The following PCDHA6 variants were observed in gnomAD, a reference collection of about 807,000 sequenced individuals.
PCDHA6 encodes the protein protocadherin alpha 6, also known as protocadherin alpha-6.
PCDHA6 carries 55 observed loss-of-function variants against 60.3 expected under a neutral mutation model. The observed-to-expected ratio is 0.91, with a 90% CI of 0.73 to 1.14. The LOEUF (loss-of-function observed/expected upper bound fraction) is 1.14. Among genes scored for constraint, PCDHA6 ranks in the 50% most tolerant of loss-of-function variants. The pLI is 0.00. For synonymous variants in PCDHA6, 652 were observed against 557.9 expected (o/e 1.17, Z -2.38); for missense variants, 1,327 against 1,256.5 (o/e 1.06, Z -0.85).
In PCDHA6 at chr5:140,883,674, C is replaced by A. The variant is rs782029001; in HGVS notation, c.2394+53189C>A. The A allele has an allele frequency of 4.3e-5, 70 of 1,613,620 alleles. No homozygotes were observed. The highest frequency in any genetic ancestry group is 5.8e-5 in the Non-Finnish European group (69 of 1,179,878). On this transcript the variant is annotated intron_variant, in intron 1 of 3. Transcript: ENST00000529310. ...ACGGTGTTCGTGAAGGAAAACAATC[C>A]GCCGGGCTGCCACATCTTCACGGTG...
intron 3 of PCDHA6, among the ~76,000 whole-genome samples, chr5:140,996,394 G>A (rs2097724789): frequency 6.6e-6 from 1 of 152,192 alleles, no homozygotes; most frequent in Non-Finnish European, 1.5e-5. Context: ...GCCTCATAGA[G>A]TTTCAGGTGG....
At chr5:140,979,384 G>A (rs1243693033) in intron 2 of PCDHA6, among the ~76,000 whole-genome samples, 3 of 151,896 alleles carry the variant, frequency 2.0e-5, no homozygotes, top group African/African-American at 7.3e-5. Context: ...ATTGTGCAAT[G>A]TATACATACA....
Position 140,930,862 on chromosome 5 carries a change from GGT to G in PCDHA6, c.2395-48086_2395-48085del, listed in dbSNP as rs1554208154. On this transcript the variant is annotated intron_variant, in intron 1 of 3. Coordinates refer to ENST00000529310, the MANE Select transcript of PCDHA6 (RefSeq NM_018909.4). Reference sequence around the variant, plus strand: ...AAATATGTGCATATATGAATTGGATGGTAACACTGTTCAACACAGAGGGAAAA... The same window carrying G: ...AAATATGTGCATATATGAATTGGATGAACACTGTTCAACACAGAGGGAAAA... 5.3e-3 allele frequency among the ~76,000 whole-genome samples: 803 copies of G among 152,226 alleles called. 3 individuals carry two copies. Among genetic ancestry groups the G allele is most frequent in the Non-Finnish European group, 8.4e-3 (568 of 67,990 alleles).
At position 140,829,477 on chromosome 5, in the gene PCDHA6, G is replaced by A. The variant is rs2150168551; in HGVS notation, c.1386G>A (p.Val462=). 4 of 1,613,692 alleles carry A rather than the reference G, an allele frequency of 2.5e-6. No individual in the cohort carries two copies. The highest frequency in any genetic ancestry group is 3.3e-5 in the Admixed American group (2 of 60,004). ...CGTTCGCGCAGCCCGAGTACACAGT[G>A]TTCGTGAAGGAGAACAACCCGCCGG... is the stretch of plus-strand genomic sequence containing the variant. The part of the protein sequence containing the change: ...APAFAQPEYT[V]FVKENNPPGC... The change falls in exon 1 of 4, where the codon GTG becomes GTA. Residue 462 remains valine (V), a synonymous_variant. Transcript: ENST00000529310.
intron 1 of PCDHA6, among the ~76,000 whole-genome samples, chr5:140,920,730 G>A (rs902169780): frequency 6.6e-6 from 1 of 152,058 alleles, no homozygotes; most frequent in Non-Finnish European, 1.5e-5. Context: ...TGCAGTCCCA[G>A]CTACTCAGGA....
chr5:140,928,902 C>T, intron 1 of PCDHA6: 1 of 1,614,164 alleles, frequency 6.2e-7, no homozygotes, highest in Non-Finnish European at 8.5e-7. Flanking sequence ...TTGAAGATGT[C>T]TGGGAACCAG....
chr5:140,857,754 C>G, intron 1 of PCDHA6: 1 of 1,597,392 alleles, frequency 6.3e-7, no homozygotes, highest in Non-Finnish European at 8.6e-7. Flanking sequence ...GCGTCTCCCG[C>G]TGGCAGCGCG....
At chr5:140,995,342 A>G (rs2097678065) in intron 3 of PCDHA6, among the ~76,000 whole-genome samples, 1 of 152,122 alleles carries the variant, frequency 6.6e-6, no homozygotes, top group African/African-American at 2.4e-5. Flanking sequence ...TGTAGACGGC[A>G]TGGATAGGTC....
chr5:140,909,945 A>C (rs540241627), intron 1 of PCDHA6, among the ~76,000 whole-genome samples: 3 of 152,316 alleles, frequency 2.0e-5, no homozygotes, highest in Non-Finnish European at 4.4e-5. Context: ...ACTCTGGTAA[A>C]AAGCCGTAGG....
In PCDHA6 at chr5:140,828,689, T is replaced by C. The variant is rs1769888255; in HGVS notation, c.598T>C (p.Leu200=). 3 of 1,614,072 alleles carry C rather than the reference T, an allele frequency of 1.9e-6. No homozygotes were observed. The highest frequency in any genetic ancestry group is 1.3e-5 in the African/African-American group (1 of 74,938). ...AATTGGGCTCTTATTAAAGAAATCC[T>C]TGGACAGAGAGGAAGCTCCTGCACA... The part of the protein sequence containing the change: ...KQIGLLLKKS[L]DREEAPAHNL... The change falls in exon 1 of 4, where the codon TTG becomes CTG. Residue 200 remains leucine, a synonymous_variant. Coordinates refer to ENST00000529310, the MANE Select transcript of PCDHA6 (RefSeq NM_018909.4).
intron 1 of PCDHA6, chr5:140,968,253 C>T: frequency 6.2e-7 from 1 of 1,614,026 alleles, no homozygotes; most frequent in Non-Finnish European, 8.5e-7. Context: ...GCCACAGACC[C>T]AGATGAAAAG....
chr5:140,928,478 A>G (rs1554205922), intron 1 of PCDHA6: 1 of 1,614,132 alleles, frequency 6.2e-7, no homozygotes, highest in East Asian at 2.2e-5. Context: ...GAAGGCCGGG[A>G]TGGTGGCATT....
At position 140,843,439 on chromosome 5, in the gene PCDHA6, G is replaced by T. The variant is rs2150360020; in HGVS notation, c.2394+12954G>T. The T allele has an allele frequency of 1.9e-6, 3 of 1,596,092 alleles. No homozygotes were observed. In the South Asian group the frequency reaches 3.3e-5, roughly 18 times the overall value. On this transcript the variant is annotated intron_variant, in intron 1 of 3. Transcript: ENST00000529310. ...TGTACCTGATCATCGCCATCTGCGC[G>T]GTATCCAGCCTGCTGGTGCTCACGC...
intron 3 of PCDHA6, among the ~76,000 whole-genome samples, chr5:141,005,404 G>A (rs1265064301): frequency 6.6e-6 from 1 of 152,166 alleles, no homozygotes; most frequent in Non-Finnish European, 1.5e-5. Context: ...CAGACTTGAA[G>A]AGTGAGGAGT....
At chr5:141,001,702 G>C (rs2098033163) in intron 3 of PCDHA6, among the ~76,000 whole-genome samples, 1 of 152,194 alleles carries the variant, frequency 6.6e-6, no homozygotes, top group Non-Finnish European at 1.5e-5. Flanking sequence ...GGCGAAATAG[G>C]GGGCGGGGAA....
rs2150457668 is a variant in PCDHA6 at position 140,849,921 on chromosome 5, A to T, written c.2394+19436A>T. The T allele has an allele frequency of 1.2e-5, 19 of 1,598,094 alleles. 1 individual carries two copies. Among genetic ancestry groups the T allele is most frequent in the Non-Finnish European group, 1.5e-5 (17 of 1,167,772 alleles). Reference sequence around the variant, plus strand: ...CAACCCGCCGGGCTGCCACATCTTCACGGTGTCTGCGCGGGACGCTGACGC... The same window carrying T: ...CAACCCGCCGGGCTGCCACATCTTCTCGGTGTCTGCGCGGGACGCTGACGC... On this transcript the variant is annotated intron_variant, in intron 1 of 3. Transcript: ENST00000529310.
rs781863404 is a variant in PCDHA6, at chr5:141,010,259, G to C, written c.*322G>C. 6.4e-7 allele frequency: 1 copy of C among 1,551,820 alleles called. No individual in the cohort carries two copies. The highest frequency in any genetic ancestry group is 1.2e-5 in the South Asian group (1 of 84,074). On this transcript the variant is annotated 3_prime_UTR_variant, in exon 4 of 4. Coordinates refer to ENST00000529310, the MANE Select transcript of PCDHA6 (RefSeq NM_018909.4). Reference sequence around the variant, plus strand: ...TGAGAGGTTGGACTCTCTGCCCTGTGCTCCGGGGATCCTGTCTTGATGACA... The same window carrying C: ...TGAGAGGTTGGACTCTCTGCCCTGTCCTCCGGGGATCCTGTCTTGATGACA...
chr5:140,834,797 G>T lies in PCDHA6; in HGVS notation c.2394+4312G>T, dbSNP rs782512269. The T allele has an allele frequency of 3.1e-6, 5 of 1,612,908 alleles. No individual in the cohort carries two copies. The South Asian group carries it at 5.5e-5, about 18-fold the overall frequency. ...CTCCGGTGTTCCCAGCGACACAAAG[G>T]AATCTGTTCATCGCGGAATCCAGGC... On this transcript the variant is annotated intron_variant, in intron 1 of 3. Transcript: ENST00000529310.
At chr5:140,856,114 C>A (rs1375690984) in intron 1 of PCDHA6, 3 of 1,597,988 alleles carry the variant, frequency 1.9e-6, no homozygotes, top group Non-Finnish European at 2.6e-6. Flanking sequence ...TCCTCGCAGC[C>A]TGGGAGGTGG....
Sources: allele counts gnomAD v4.1 joint callset (sites outside exome capture counted in the v4.1 genomes callset), GRCh38; gene constraint gnomAD v4.1.1; transcripts MANE v1.5; gene names NCBI Gene and HGNC (gene_info 2026-07-23, HGNC 2026-07-21).